The following RPTOR variants were observed in gnomAD, a reference collection of about 807,000 sequenced individuals.
RPTOR encodes the protein regulatory associated protein of MTOR complex 1.
RPTOR carries 21 observed loss-of-function variants against 169.9 expected under a neutral mutation model. The observed-to-expected ratio is 0.12, with a 90% CI of 0.09 to 0.18. The LOEUF is 0.18. Among genes scored for constraint, RPTOR ranks in the 10% least tolerant of loss-of-function variants. The pLI, the probability that RPTOR is intolerant of heterozygous loss-of-function variation, is 1.00. For missense variants in RPTOR, 1,133 were observed against 1,855.9 expected (o/e 0.61, Z 7.16); for synonymous variants, 732 against 753.2 (o/e 0.97, Z 0.46).
intron 25 of RPTOR, 129 bp from the exon 26 acceptor site, chr17:80,945,538 G>T: frequency 3.1e-6 from 1 of 324,876 alleles, no homozygotes; most frequent in South Asian, 3.2e-5. Context: ...CTTGCAGTGA[G>T]CCAAGATTGC....
intron 1 of RPTOR, among the ~76,000 whole-genome samples, chr17:80,624,844 G>A (rs1050475562): frequency 6.6e-6 from 1 of 152,204 alleles, no homozygotes. Context: ...TTGTTCAAAT[G>A]AGTGGACTTG....
chr17:80,605,506 CTCAGTTCT>C, intron 1 of RPTOR, among the ~76,000 whole-genome samples: 1 of 152,196 alleles, frequency 6.6e-6, no homozygotes, highest in South Asian at 2.1e-4. Context: ...GAAACCGTGT[CTCAGTTCT>C]GGACCATGGC....
rs559739321 is a variant in RPTOR, at chr17:80,555,008, A to C, written c.162+9217A>C. 2.0e-5 allele frequency among the ~76,000 whole-genome samples: 3 copies of C among 152,302 alleles called. No homozygotes were observed. The East Asian group carries it at 5.8e-4, about 29-fold the overall frequency. On this transcript the variant is annotated intron_variant, in intron 1 of 33. Coordinates refer to ENST00000306801, the MANE Select transcript of RPTOR (RefSeq NM_020761.3). ...TTCTGTTTTAACCTTCAATACGGAA[A>C]ATGTTGATAAATGAAACTCATAAAA...
intron 7 of RPTOR, among the ~76,000 whole-genome samples, chr17:80,799,561 A>G (rs766273325): frequency 1.4e-4 from 22 of 152,330 alleles, no homozygotes; most frequent in Non-Finnish European, 2.5e-4. Context: ...AAGTGTGAGG[A>G]CGACGTTGGT....
chr17:80,850,540 G>A (rs577961252), intron 11 of RPTOR, among the ~76,000 whole-genome samples: 2 of 152,204 alleles, frequency 1.3e-5, no homozygotes, highest in East Asian at 3.8e-4. Context: ...CTCCAGAGTA[G>A]CTGGGATATC....
chr17:80,620,325 C>G (rs1464488431), intron 1 of RPTOR, among the ~76,000 whole-genome samples: 2 of 152,148 alleles, frequency 1.3e-5, no homozygotes, highest in Admixed American at 1.3e-4. Flanking sequence ...GTTTTTGGCA[C>G]ATTAAATTTG....
At chr17:80,772,249 T>A (rs1389332070) in intron 6 of RPTOR, among the ~76,000 whole-genome samples, 2 of 152,174 alleles carry the variant, frequency 1.3e-5, no homozygotes, top group South Asian at 4.2e-4. Flanking sequence ...TAAATGTACA[T>A]CTTTGTCTTG....
At chr17:80,742,618 T>TAC (rs1238370231) in intron 5 of RPTOR, among the ~76,000 whole-genome samples, 1 of 146,304 alleles carries the variant, frequency 6.8e-6, no homozygotes, top group African/African-American at 2.5e-5. Context: ...GCCACACACA[T>TAC]ACACACGCAC....
Position 80,559,344 on chromosome 17 carries a change from C to T in RPTOR, c.162+13553C>T, listed in dbSNP as rs1018916491. ...TTCAAGCCGTTTCTTGCTGAGTGGT[C>T]GCCTCCTGACTGATGCTGCCCTTTT... On this transcript the variant is annotated intron_variant, in intron 1 of 33. Coordinates refer to ENST00000306801, the MANE Select transcript of RPTOR (RefSeq NM_020761.3). 3.3e-5 allele frequency among the ~76,000 whole-genome samples: 5 copies of T among 152,226 alleles called. No individual in the cohort carries two copies. The East Asian group carries it at 9.7e-4, about 29-fold the overall frequency.
intron 21 of RPTOR, among the ~76,000 whole-genome samples, chr17:80,921,577 T>C (rs1052599218): frequency 1.3e-5 from 2 of 152,230 alleles, no homozygotes; most frequent in African/African-American, 4.8e-5. Flanking sequence ...CAGAAAACCC[T>C]GCTTTAAAAA....
intron 6 of RPTOR, among the ~76,000 whole-genome samples, chr17:80,755,609 C>T (rs1380294904): frequency 6.6e-6 from 1 of 152,002 alleles, no homozygotes; most frequent in African/African-American, 2.4e-5. Context: ...TGTGGTAGCA[C>T]ATGCCTATAT....
At chr17:80,687,992 C>T (rs941933510) in intron 3 of RPTOR, among the ~76,000 whole-genome samples, 1 of 152,172 alleles carries the variant, frequency 6.6e-6, no homozygotes, top group South Asian at 2.1e-4. Context: ...ACCTCAGCAC[C>T]GCTAGCTTCA....
chr17:80,650,817 C>T (rs1189521864), intron 3 of RPTOR, among the ~76,000 whole-genome samples: 2 of 152,152 alleles, frequency 1.3e-5, no homozygotes, highest in Non-Finnish European at 2.9e-5. Flanking sequence ...TAAGCCCCTC[C>T]CCATCCTGCC....
At chr17:80,875,411 G>A (rs6565485) in intron 13 of RPTOR, among the ~76,000 whole-genome samples, 85,175 of 151,982 alleles carry the variant, frequency 0.56, 24,321 homozygotes, top group African/African-American at 0.65. Flanking sequence ...AAAAATATAA[G>A]TTCCTGAAAC....
chr17:80,726,150 G>A lies in RPTOR; in HGVS notation c.508-4410G>A, dbSNP rs1018778100. Among the ~76,000 whole-genome samples, 6 of 152,220 alleles carry A rather than the reference G, an allele frequency of 3.9e-5. No individual in the cohort carries two copies. Among genetic ancestry groups the A allele is most frequent in the African/African-American group, 1.4e-4 (6 of 41,450 alleles). On this transcript the variant is annotated intron_variant, in intron 4 of 33. Transcript: ENST00000306801. This position sits in a 1 kb window ranked among gnomAD's most constrained non-coding sequence, Gnocchi z 4.5. The stretch of plus-strand genomic sequence containing the variant: ...GGCCCACATCCAAGCAGGCTTCCCA[G>A]AGCAGGCGGGGCTGGGAAAGCTGTT...
intron 21 of RPTOR, among the ~76,000 whole-genome samples, chr17:80,919,313 G>A (rs116192198): frequency 0.031 from 4,746 of 152,226 alleles, 181 homozygotes; most frequent in African/African-American, 0.096. Flanking sequence ...CGGCCTCTGC[G>A]CTATTCTTAG....
intron 13 of RPTOR, among the ~76,000 whole-genome samples, chr17:80,877,406 T>C (rs67726311): frequency 0.23 from 34,519 of 152,208 alleles, 4,153 homozygotes; most frequent in East Asian, 0.39. Context: ...CCACCTGGCA[T>C]AATGACCGTA....
chr17:80,923,418 G>A, intron 22 of RPTOR, 72 bp from the exon 23 acceptor site: 3 of 1,568,312 alleles, frequency 1.9e-6, no homozygotes, highest in East Asian at 2.2e-5. Flanking sequence ...GGCCCAGGAA[G>A]TTGTTCCATG....
At chr17:80,714,297 T>G (rs1016671369) in intron 4 of RPTOR, among the ~76,000 whole-genome samples, 1 of 152,168 alleles carries the variant, frequency 6.6e-6, no homozygotes, top group Non-Finnish European at 1.5e-5. Context: ...TTTTTTCTAG[T>G]CCAAAGCAAA....
Sources: gnomAD v4.1 joint callset for allele counts (sites outside exome capture counted in the v4.1 genomes callset) on GRCh38, gnomAD v4.1.1 for gene constraint, Gnocchi (gnomAD v3.1) non-coding constraint, MANE v1.5 for transcripts, NCBI Gene and HGNC (gene_info 2026-07-23, HGNC 2026-07-21) for gene names.